Variants in ANKRD27 observed in about 807,000 individuals in gnomAD.
ANKRD27 encodes the protein ankyrin repeat domain-containing protein 27.
In ANKRD27, 112 loss-of-function variants were observed where a neutral mutation model predicts 129.7. The observed-to-expected ratio is 0.86, with a 90% CI of 0.74 to 1.01. ANKRD27 has a LOEUF of 1.01. Ranked by LOEUF, ANKRD27 falls within the 50% of genes least tolerant of loss-of-function variation. The pLI, the probability that ANKRD27 is intolerant of heterozygous loss-of-function variation, is 0.00. For synonymous variants in ANKRD27, 516 were observed against 511.2 expected (o/e 1.01, Z -0.13); for missense variants, 1,258 against 1,300.5 (o/e 0.97, Z 0.50).
chr19:32,633,188 A>G (rs1270485552), intron 12 of ANKRD27, among the ~76,000 whole-genome samples: 1 of 152,192 alleles, frequency 6.6e-6, no homozygotes, highest in African/African-American at 2.4e-5. Flanking sequence ...AGAATGAGCT[A>G]TTGGAAGAGA....
intron 5 of ANKRD27, among the ~76,000 whole-genome samples, chr19:32,644,069 C>A (rs918225614): frequency 6.6e-6 from 1 of 151,918 alleles, no homozygotes; most frequent in African/African-American, 2.4e-5. Flanking sequence ...ATGATGGGGT[C>A]TTTTTATGTT....
At chr19:32,632,317 G>T (rs1210270271) in intron 12 of ANKRD27, among the ~76,000 whole-genome samples, 1 of 151,346 alleles carries the variant, frequency 6.6e-6, no homozygotes, top group African/African-American at 2.4e-5. Context: ...CAGGCGCGGT[G>T]GCTCATGCCT....
rs1199144470 is a variant in ANKRD27, at chr19:32,646,586, T to C, written c.243A>G (p.Lys81=). ...KDVFIQGNRI[K]LGAGFACLLS... is the part of the protein sequence containing the mutation. ...GAAGACAGGCAAAACCAGCTCCTAA[T>C]TTAATCCTGTTCCCTTGAATAAAGA... The change falls in exon 4 of 29, where the codon AAA becomes AAG. Residue 81 remains lysine (K), a synonymous_variant. Transcript: ENST00000306065. 1.2e-6 allele frequency: 2 copies of C among 1,613,808 alleles called. No individual in the cohort carries two copies. The highest frequency in any genetic ancestry group is 8.5e-7 in the Non-Finnish European group (1 of 1,179,942).
intron 1 of ANKRD27, among the ~76,000 whole-genome samples, chr19:32,666,643 T>TC: frequency 7.3e-6 from 1 of 136,606 alleles, no homozygotes; most frequent in Non-Finnish European, 1.6e-5. Flanking sequence ...AGATTTCTAT[T>TC]TTTTTTTTTT....
chr19:32,653,339 A>G (rs552957075), intron 2 of ANKRD27, among the ~76,000 whole-genome samples: 1 of 152,210 alleles, frequency 6.6e-6, no homozygotes, highest in Non-Finnish European at 1.5e-5. Flanking sequence ...ATTAAATCAG[A>G]CAACTCAATA....
In ANKRD27 at chr19:32,628,167, T is replaced by C. The variant is rs762594874; in HGVS notation, c.1338-2A>G. 1 of 1,613,398 alleles carries C rather than the reference T, an allele frequency of 6.2e-7. No homozygotes were observed. The highest frequency in any genetic ancestry group is 8.5e-7 in the Non-Finnish European group (1 of 1,179,302). On this transcript the variant is annotated splice_acceptor_variant, in intron 14 of 28. Transcript: ENST00000306065. LOFTEE classifies it high-confidence loss of function. ...ACAACTGAGGGATCATTCAACCTCC[T>C]AAAATACAGAAAGAGATAGAAAACT...
Position 32,628,149 on chromosome 19 carries a change from AG to A in ANKRD27, c.1353del (p.Ser452GlnfsTer38). ...EKLVSGRLND[P>X]SVVTPFSRDD... is the part of the protein sequence containing the mutation. ...TCTCTGGAGAATGGAGTGACAACTG[AG>A]GGATCATTCAACCTCCTAAAATACA... On this transcript the variant is annotated frameshift_variant, in exon 15 of 29. Coordinates refer to ENST00000306065, the MANE Select transcript of ANKRD27 (RefSeq NM_032139.3). LOFTEE classifies it high-confidence loss of function. 1 of 1,614,164 alleles carries A rather than the reference AG, an allele frequency of 6.2e-7. No individual in the cohort carries two copies. Among genetic ancestry groups the A allele is most frequent in the South Asian group, 1.1e-5 (1 of 91,086 alleles).
chr19:32,667,847 A>AAAAAAAC (rs1568422520), intron 1 of ANKRD27, among the ~76,000 whole-genome samples: 4 of 151,756 alleles, frequency 2.6e-5, no homozygotes, highest in Admixed American at 1.3e-4. Flanking sequence ...AAAAAAAAAA[A>AAAAAAAC]AGTCATTAGA....
At position 32,607,744 on chromosome 19, in the gene ANKRD27, C is replaced by T. The variant is rs1410580639; in HGVS notation, c.2264G>A (p.Gly755Asp). 4 of 1,612,676 alleles carry T rather than the reference C, an allele frequency of 2.5e-6. No individual in the cohort carries two copies. The highest frequency in any genetic ancestry group is 1.3e-5 in the African/African-American group (1 of 74,924). ...CAGGAGGGGGATGAGGTCCGCCCGG[C>T]CGTGCAGGGCGGCGACATGCAGCGG... ...SSPLHVAALHGRADLIPLLLK... is the reference protein window; with the variant it reads ...SSPLHVAALHDRADLIPLLLK... Residue 755 changes from glycine (G) to aspartate (D), a missense_variant, in exon 23 of 29, where the codon GGC becomes GAC. Transcript: ENST00000306065.
chr19:32,672,337 G>C (rs1401739390), intron 1 of ANKRD27, among the ~76,000 whole-genome samples: 2 of 152,216 alleles, frequency 1.3e-5, no homozygotes, highest in Admixed American at 1.3e-4. Context: ...GTGTCCTCCT[G>C]ACCTATAACA....
In ANKRD27 at chr19:32,600,062, AAG is replaced by A; in HGVS notation, c.2768-14_2768-13del. On this transcript the variant is annotated splice_polypyrimidine_tract_variant and intron_variant, in intron 26 of 28. Coordinates refer to ENST00000306065, the MANE Select transcript of ANKRD27 (RefSeq NM_032139.3). ...CAGTTTTGAGTTCCCTGTAGATAAA[AAG>A]ATAAACATCTAAAAACTTCAAAAAC... 6.3e-7 allele frequency: 1 copy of A among 1,584,200 alleles called. No individual in the cohort carries two copies. The highest frequency in any genetic ancestry group is 1.1e-5 in the South Asian group (1 of 89,968).
chr19:32,607,112 TCCA>T (rs1971754725), intron 23 of ANKRD27, among the ~76,000 whole-genome samples: 1 of 127,000 alleles, frequency 7.9e-6, no homozygotes, highest in Non-Finnish European at 1.6e-5. Flanking sequence ...ACTCCCACGC[TCCA>T]GCCTGGGAGA....
intron 3 of ANKRD27, among the ~76,000 whole-genome samples, chr19:32,648,615 A>G (rs1484560612): frequency 1.3e-5 from 2 of 152,096 alleles, no homozygotes; most frequent in Non-Finnish European, 2.9e-5. Context: ...ACTGGCTAAC[A>G]TGGTGAAACC....
chr19:32,598,395 T>C lies in ANKRD27; in HGVS notation c.2920-17A>G, dbSNP rs141702275. On this transcript the variant is annotated splice_polypyrimidine_tract_variant and intron_variant, in intron 28 of 28. Transcript: ENST00000306065. ...CCTCCCTGGCTAAAGAAAAAGTACA[T>C]TTTTAACCGTTGACGTCCTCACTGT... 6.9e-5 allele frequency: 111 copies of C among 1,612,534 alleles called. No homozygotes were observed. The African/African-American group carries it at 1.3e-3, about 18-fold the overall frequency.
chr19:32,614,461 T>C (rs1971881914), intron 22 of ANKRD27, among the ~76,000 whole-genome samples: 1 of 151,978 alleles, frequency 6.6e-6, no homozygotes. Context: ...CCCAGCACTT[T>C]GGGAGGCTGA....
At chr19:32,615,139 G>T (rs997159913) in intron 22 of ANKRD27, among the ~76,000 whole-genome samples, 3 of 152,174 alleles carry the variant, frequency 2.0e-5, no homozygotes, top group African/African-American at 7.2e-5. Flanking sequence ...GCTAATCATG[G>T]GACACATCTC....
intron 20 of ANKRD27, 121 bp from the exon 21 acceptor site, chr19:32,617,754 T>G (rs1056129220): frequency 6.9e-6 from 1 of 144,784 alleles, no homozygotes; most frequent in East Asian, 1.2e-4. Flanking sequence ...TCTGATTTAG[T>G]TTTTTTTTTT....
Position 32,643,579 on chromosome 19 carries a change from G to C in ANKRD27, c.578C>G (p.Ser193Cys). The change falls in exon 6 of 29, where the codon TCT (serine) becomes TGT (cysteine). Residue 193 changes from serine (S) to cysteine (C), a missense_variant. Transcript: ENST00000306065. ...AGAAGTCCTGCTGCTTACCAGGTGA[G>C]AGTCCCTCAGAAGCTGCTGGAGGCA... is the stretch of plus-strand genomic sequence containing the variant. The part of the protein sequence containing the change: ...TKCLQQLLRD[S>C]HLKMLAKQEA... The C allele has an allele frequency of 4.3e-6, 7 of 1,614,006 alleles. No homozygotes were observed. Among genetic ancestry groups the C allele is most frequent in the Non-Finnish European group, 5.1e-6 (6 of 1,180,022 alleles).
intron 1 of ANKRD27, among the ~76,000 whole-genome samples, chr19:32,665,665 T>C (rs1047933762): frequency 1.3e-5 from 2 of 152,124 alleles, no homozygotes; most frequent in African/African-American, 2.4e-5. Context: ...TTCGCTGTGT[T>C]AGCCAGGATG....
Sources: gnomAD v4.1 joint callset for allele counts (sites outside exome capture counted in the v4.1 genomes callset) on GRCh38, gnomAD v4.1.1 for gene constraint, MANE v1.5 for transcripts, NCBI Gene and HGNC (gene_info 2026-07-23, HGNC 2026-07-21) for gene names.